The following LANCL2 variants were observed in gnomAD, a reference collection of about 807,000 sequenced individuals.
LANCL2 encodes the protein lanC-like protein 2.
LANCL2 carries 33 observed loss-of-function variants against 56.9 expected under a neutral mutation model. The observed-to-expected ratio is 0.58, with a 90% CI of 0.44 to 0.78. The LOEUF is 0.78. Ranked by LOEUF, LANCL2 falls within the 30% of genes least tolerant of loss-of-function variation. LANCL2 has a pLI of 0.00. For synonymous variants in LANCL2, 233 were observed against 228.2 expected (o/e 1.02, Z -0.19); for missense variants, 562 against 580.2 (o/e 0.97, Z 0.32).
chr7:55,378,231 G>A (rs1301863434), intron 1 of LANCL2, among the ~76,000 whole-genome samples: 2 of 152,132 alleles, frequency 1.3e-5, no homozygotes, highest in African/African-American at 2.4e-5. Flanking sequence ...AGGCTGAGGT[G>A]GGTGGATCAC....
chr7:55,407,231 T>C (rs1018295881), intron 5 of LANCL2, among the ~76,000 whole-genome samples: 4 of 151,876 alleles, frequency 2.6e-5, no homozygotes, highest in African/African-American at 7.3e-5. Context: ...AGAGTTGGAG[T>C]GAAGCACAGA....
At chr7:55,396,907 ACTGT>A (rs1430208683) in intron 2 of LANCL2, 1 of 152,182 alleles carries the variant, frequency 6.6e-6, no homozygotes, top group Non-Finnish European at 1.5e-5. Flanking sequence ...TTTAACTTTT[ACTGT>A]CTGTTTCCTG....
At chr7:55,384,446 G>C (rs1007086335) in intron 1 of LANCL2, among the ~76,000 whole-genome samples, 1 of 152,162 alleles carries the variant, frequency 6.6e-6, no homozygotes, top group Non-Finnish European at 1.5e-5. Context: ...CAGCTACTTG[G>C]GGGGCTGAGG....
chr7:55,408,405 G>A (rs1162661187), intron 5 of LANCL2, among the ~76,000 whole-genome samples: 1 of 152,038 alleles, frequency 6.6e-6, no homozygotes, highest in Non-Finnish European at 1.5e-5. Context: ...AGTGGCTCAT[G>A]CCTGTAATCC....
intron 2 of LANCL2, among the ~76,000 whole-genome samples, chr7:55,397,407 G>A (rs1339920643): frequency 6.8e-6 from 1 of 147,096 alleles, no homozygotes; most frequent in African/African-American, 2.5e-5. Flanking sequence ...GTTGCAGTGA[G>A]CCGAGATCGT....
intron 7 of LANCL2, 96 bp downstream of exon 7, chr7:55,425,526 G>A (rs1341349947): frequency 1.8e-6 from 2 of 1,132,690 alleles, no homozygotes; most frequent in African/African-American, 1.5e-5. Context: ...CTTTTAACCT[G>A]TTTCTCCCAG....
At chr7:55,383,888 C>G (rs1486649319) in intron 1 of LANCL2, among the ~76,000 whole-genome samples, 1 of 152,134 alleles carries the variant, frequency 6.6e-6, no homozygotes, top group Non-Finnish European at 1.5e-5. Context: ...GTTAATTCAG[C>G]CAACACCCAG....
chr7:55,401,487 G>A (rs995783513), intron 5 of LANCL2, among the ~76,000 whole-genome samples, 167 bp downstream of exon 5: 36 of 133,968 alleles, frequency 2.7e-4, no homozygotes, highest in Non-Finnish European at 4.7e-5. Flanking sequence ...AGAGTCCAGT[G>A]AGTTCCTGAG....
At chr7:55,411,303 C>CT (rs1325820053) in intron 5 of LANCL2, 3 of 152,184 alleles carry the variant, frequency 2.0e-5, no homozygotes, top group African/African-American at 7.2e-5. Flanking sequence ...TGTAGTAAAA[C>CT]TTTAACACAC....
At chr7:55,373,482 A>T (rs1477930976) in intron 1 of LANCL2, among the ~76,000 whole-genome samples, 5 of 151,196 alleles carry the variant, frequency 3.3e-5, no homozygotes, top group Non-Finnish European at 1.5e-5. Flanking sequence ...GTGTGTGGAG[A>T]TGGGGTCCTG....
rs186342345 is a variant in LANCL2 at position 55,432,518 on chromosome 7, A to G, written c.*1198A>G. ...TTCAGTTTTTAGAAGGGTTTCTGTC[A>G]TCATGGAAGAGGTGGTCTGGGACTA... On this transcript the variant is annotated 3_prime_UTR_variant, in exon 9 of 9. Transcript: ENST00000254770. 1 of 152,338 alleles carries G rather than the reference A, an allele frequency of 6.6e-6. No individual in the cohort carries two copies. The highest frequency in any genetic ancestry group is 1.9e-4 in the East Asian group (1 of 5,186). The allele number at this position is 152,338 out of a possible 1,614,324, so 9.4% of individuals were successfully genotyped here.
chr7:55,395,909 C>T (rs1583751819), intron 2 of LANCL2, among the ~76,000 whole-genome samples: 1 of 152,302 alleles, frequency 6.6e-6, no homozygotes, highest in African/African-American at 2.4e-5. Flanking sequence ...CTCACACACA[C>T]CTAGATTGTG....
At chr7:55,396,377 C>T (rs556417130) in intron 2 of LANCL2, among the ~76,000 whole-genome samples, 9 of 152,216 alleles carry the variant, frequency 5.9e-5, no homozygotes, top group Admixed American at 3.9e-4. Flanking sequence ...ATTGCTTCAC[C>T]GGAGCCTCTC....
At chr7:55,400,565 TCTTTA>T (rs1261388029) in intron 4 of LANCL2, among the ~76,000 whole-genome samples, 6 of 152,216 alleles carry the variant, frequency 3.9e-5, no homozygotes, top group African/African-American at 1.4e-4. Flanking sequence ...CAAGTTGCCC[TCTTTA>T]CTTCTGCTCC....
chr7:55,426,588 G>GC (rs1583768016), intron 7 of LANCL2, among the ~76,000 whole-genome samples: 1 of 152,332 alleles, frequency 6.6e-6, no homozygotes, highest in East Asian at 1.9e-4. Flanking sequence ...ACTGATGGAA[G>GC]CATGAAGGAG....
At chr7:55,430,922 C>T (rs1041786789) in intron 8 of LANCL2, among the ~76,000 whole-genome samples, 8 of 152,198 alleles carry the variant, frequency 5.3e-5, no homozygotes, top group African/African-American at 1.7e-4. Flanking sequence ...ATAGGAATAT[C>T]GTAATTAGCA....
intron 1 of LANCL2, among the ~76,000 whole-genome samples, chr7:55,385,084 C>T (rs968604292): frequency 7.9e-5 from 12 of 151,898 alleles, no homozygotes; most frequent in South Asian, 2.1e-4. Flanking sequence ...TTACTTGGGA[C>T]GCTAAGGCAG....
At chr7:55,416,536 C>G (rs1583763028) in intron 6 of LANCL2, among the ~76,000 whole-genome samples, 1 of 152,202 alleles carries the variant, frequency 6.6e-6, no homozygotes, top group African/African-American at 2.4e-5. Context: ...CTGTCTTGGT[C>G]TCCCAAAGTG....
intron 3 of LANCL2, among the ~76,000 whole-genome samples, chr7:55,399,358 T>C (rs1161648014): frequency 9.3e-4 from 141 of 150,974 alleles, no homozygotes; most frequent in Non-Finnish European, 1.6e-3. Flanking sequence ...TTTTTTTTTT[T>C]CTGAGATGGA....
Sources: allele counts gnomAD v4.1 joint callset (sites outside exome capture counted in the v4.1 genomes callset), GRCh38; gene constraint gnomAD v4.1.1; transcripts MANE v1.5; gene names NCBI Gene and HGNC (gene_info 2026-07-23, HGNC 2026-07-21).